Variants in DOK5 observed in about 807,000 individuals in gnomAD.
The protein encoded by DOK5 is downstream of tyrosine kinase 5.
A neutral mutation model predicts 43.3 loss-of-function variants in DOK5; 27 were observed. That is an observed-to-expected ratio of 0.62 (90% confidence interval 0.46 to 0.86). The LOEUF (loss-of-function observed/expected upper bound fraction) is 0.86, where lower values mean the gene tolerates loss of function less well. Ranked by LOEUF, DOK5 falls within the 40% of genes least tolerant of loss-of-function variation. The probability of loss-of-function intolerance (pLI) is 0.00; values close to 1 mark genes in which losing one functional copy is unlikely to be tolerated. For synonymous variants in DOK5, 146 were observed against 140.1 expected (o/e 1.04, Z -0.30); for missense variants, 373 against 392.9 (o/e 0.95, Z 0.43).
At chr20:54,597,969 T>C (rs571032880) in intron 5 of DOK5, among the ~76,000 whole-genome samples, 2 of 149,364 alleles carry the variant, frequency 1.3e-5, no homozygotes, top group South Asian at 4.1e-4. Context: ...GCAAAGATGC[T>C]GGTGATGTAA....
intron 6 of DOK5, among the ~76,000 whole-genome samples, chr20:54,615,999 C>T (rs1338191268): frequency 6.6e-6 from 1 of 152,102 alleles, no homozygotes; most frequent in Non-Finnish European, 1.5e-5. Context: ...TGATTTGGGA[C>T]TTCTGGCCTC....
At chr20:54,498,372 A>G (rs1982477384) in intron 1 of DOK5, among the ~76,000 whole-genome samples, 1 of 152,190 alleles carries the variant, frequency 6.6e-6, no homozygotes, top group Non-Finnish European at 1.5e-5. Context: ...AGAGGATTAA[A>G]TTGTCTTATT....
rs1600652334 is a variant in DOK5 at position 54,484,456 on chromosome 20, G to A, written c.66+8444G>A. The stretch of plus-strand genomic sequence containing the variant: ...TTTTAGATAATTGTTATGTTCATAT[G>A]TAGTTGTAAGAAATAATATGGAGAG... On this transcript the variant is annotated intron_variant, in intron 1 of 7. Transcript: ENST00000262593. Among the ~76,000 whole-genome samples the A allele has an allele frequency of 2.6e-5, 4 of 152,020 alleles. No homozygotes were observed. The South Asian group carries it at 8.3e-4, about 32-fold the overall frequency.
intron 4 of DOK5, among the ~76,000 whole-genome samples, chr20:54,590,522 G>C (rs1163245528): frequency 6.6e-6 from 1 of 151,736 alleles, no homozygotes; most frequent in East Asian, 1.9e-4. Flanking sequence ...TCAAGGGGGG[G>C]GAATATGCTC....
At chr20:54,532,162 G>A (rs1388169026) in intron 1 of DOK5, among the ~76,000 whole-genome samples, 1 of 152,110 alleles carries the variant, frequency 6.6e-6, no homozygotes, top group Non-Finnish European at 1.5e-5. Context: ...TTGTTCTAAG[G>A]TGATTTAAAT....
chr20:54,616,770 C>CTTTTTTTTT (rs768379251), intron 6 of DOK5, among the ~76,000 whole-genome samples: 2 of 120,680 alleles, frequency 1.7e-5, no homozygotes, highest in African/African-American at 3.2e-5. Context: ...GATCCACTTT[C>CTTTTTTTTT]TTTTTTTTTT....
intron 1 of DOK5, among the ~76,000 whole-genome samples, chr20:54,543,470 G>A (rs1043938068): frequency 4.0e-5 from 6 of 151,784 alleles, no homozygotes; most frequent in African/African-American, 1.2e-4. Context: ...TCAAAAGCAG[G>A]TAATTCTCAA....
intron 1 of DOK5, among the ~76,000 whole-genome samples, chr20:54,522,664 C>T (rs917732250): frequency 9.2e-5 from 14 of 151,726 alleles, no homozygotes; most frequent in African/African-American, 2.4e-4. Context: ...GGATTACAGG[C>T]GTCCACTACC....
At chr20:54,534,756 A>T (rs995069916) in intron 1 of DOK5, among the ~76,000 whole-genome samples, 2 of 152,206 alleles carry the variant, frequency 1.3e-5, no homozygotes, top group Admixed American at 1.3e-4. Flanking sequence ...CAAACAACAA[A>T]AACACCTTGC....
At position 54,588,547 on chromosome 20, in the gene DOK5, T is replaced by C. The variant is rs1191715841; in HGVS notation, c.239T>C (p.Ile80Thr). 6.2e-7 allele frequency: 1 copy of C among 1,614,122 alleles called. No homozygotes were observed. The highest frequency in any genetic ancestry group is 1.1e-5 in the South Asian group (1 of 91,086). The part of the protein sequence containing the change: ...RLPKSTKKHA[I>T]GIYFNDDTSK... ...CCAAAAAGCACCAAGAAACATGCCA[T>C]AGGGATTTATTTCAATGACGATACC... The change falls in exon 3 of 8, where the codon ATA becomes ACA. Residue 80 changes from isoleucine (I) to threonine (T), a missense_variant. Physicochemically the swap from Ile to Thr is moderately conservative, Grantham distance 89 (BLOSUM62 -1). Transcript: ENST00000262593.
At chr20:54,620,450 G>T (rs1986943817) in intron 6 of DOK5, among the ~76,000 whole-genome samples, 1 of 152,142 alleles carries the variant, frequency 6.6e-6, no homozygotes, top group Non-Finnish European at 1.5e-5. Context: ...TGTTGGCCAG[G>T]CTGGTCTCAA....
At chr20:54,500,664 C>G (rs1032971786) in intron 1 of DOK5, among the ~76,000 whole-genome samples, 2 of 150,312 alleles carry the variant, frequency 1.3e-5, no homozygotes, top group African/African-American at 4.9e-5. Context: ...CGGATTCAAG[C>G]GATTCTCCTG....
At chr20:54,571,521 G>A (rs1985280484) in intron 2 of DOK5, among the ~76,000 whole-genome samples, 1 of 152,140 alleles carries the variant, frequency 6.6e-6, no homozygotes, top group South Asian at 2.1e-4. Flanking sequence ...GCTGTCCTGT[G>A]CGTTGTAGGA....
intron 5 of DOK5, among the ~76,000 whole-genome samples, chr20:54,593,287 A>T (rs1035881796): frequency 6.6e-6 from 1 of 152,018 alleles, no homozygotes; most frequent in African/African-American, 2.4e-5. Context: ...CATTTTAAAT[A>T]ATCAAAGCCC....
chr20:54,610,710 C>A (rs1986619244), intron 6 of DOK5, among the ~76,000 whole-genome samples, 187 bp downstream of exon 6: 1 of 152,212 alleles, frequency 6.6e-6, no homozygotes, highest in South Asian at 2.1e-4. Flanking sequence ...AATACCTTGG[C>A]CATACATCCC....
chr20:54,537,044 T>C (rs1488254673), intron 1 of DOK5, among the ~76,000 whole-genome samples: 1 of 152,172 alleles, frequency 6.6e-6, no homozygotes, highest in African/African-American at 2.4e-5. Context: ...ATGAGGCCAC[T>C]CCTACTGCAG....
intron 1 of DOK5, among the ~76,000 whole-genome samples, chr20:54,514,051 G>T (rs2426521): frequency 0.057 from 8,694 of 152,234 alleles, 595 homozygotes; most frequent in African/African-American, 0.15. Context: ...ACTGCAGGAT[G>T]CAATTCAAGG....
At position 54,475,711 on chromosome 20, in the gene DOK5, C is replaced by G; in HGVS notation, c.-236C>G. 1 of 583,992 alleles carries G rather than the reference C, an allele frequency of 1.7e-6. No individual in the cohort carries two copies. The highest frequency in any genetic ancestry group is 3.0e-6 in the Non-Finnish European group (1 of 337,498). 36.2% of individuals were successfully genotyped at this position (583,992 alleles called of 1,614,324 possible). On this transcript the variant is annotated 5_prime_UTR_variant, in exon 1 of 8. Coordinates refer to ENST00000262593, the MANE Select transcript of DOK5 (RefSeq NM_018431.5). The surrounding 1 kb of genome is among the most constrained non-coding windows in gnomAD (Gnocchi z 4.2). ...GACGCCGGCGCTCCAGCCTCGCCTC[C>G]CCGCGCCGCGCTCTGCGCTCCCCGA...
chr20:54,544,631 G>A (rs1984276270), intron 1 of DOK5, among the ~76,000 whole-genome samples: 1 of 152,182 alleles, frequency 6.6e-6, no homozygotes, highest in Non-Finnish European at 1.5e-5. Flanking sequence ...AGCCTCTGTG[G>A]ACATTTGGAA....
Sources: allele counts gnomAD v4.1 joint callset (sites outside exome capture counted in the v4.1 genomes callset), GRCh38; gene constraint gnomAD v4.1.1; non-coding constraint Gnocchi (gnomAD v3.1); transcripts MANE v1.5; gene names NCBI Gene and HGNC (gene_info 2026-07-23, HGNC 2026-07-21).